Variants in FAM163B observed in about 807,000 individuals in gnomAD.
FAM163B encodes family with sequence similarity 163 member B, also known as protein FAM163B.
Under a neutral mutation model 7.6 loss-of-function variants are expected in FAM163B, and 4 were observed. That is an observed-to-expected ratio of 0.52 (90% CI 0.26 to 1.20). FAM163B has a LOEUF of 1.20. Among genes scored for constraint, FAM163B ranks in the 50% most tolerant of loss-of-function variants. The probability of loss-of-function intolerance (pLI) is 0.14; values close to 1 mark genes in which losing one functional copy is unlikely to be tolerated. For synonymous variants in FAM163B, 120 were observed against 111.6 expected (o/e 1.07, Z -0.47); for missense variants, 250 against 243.0 (o/e 1.03, Z -0.19).
At chr9:133,593,056 C>T (rs1246278417) in intron 1 of FAM163B, among the ~76,000 whole-genome samples, 1 of 152,182 alleles carries the variant, frequency 6.6e-6, no homozygotes, top group African/African-American at 2.4e-5. Flanking sequence ...GTGCCGTGTG[C>T]GCCTGTGCGG....
Position 133,578,170 on chromosome 9 carries a change from T to G in FAM163B, c.*852A>C, listed in dbSNP as rs1831281596. Among the ~76,000 whole-genome samples, 2 of 67,984 alleles carry G rather than the reference T, an allele frequency of 2.9e-5. No individual in the cohort carries two copies. Among genetic ancestry groups the G allele is most frequent in the Non-Finnish European group, 6.7e-5 (2 of 29,896 alleles). The allele number at this position is 67,984 out of a possible 152,430, so 44.6% of individuals were successfully genotyped here. A position where few individuals can be genotyped will look rare whatever the true frequency, so the allele number is the denominator to read the frequency against. On this transcript the variant is annotated 3_prime_UTR_variant, in exon 3 of 3. Coordinates refer to ENST00000673969, the MANE Select transcript of FAM163B (RefSeq NM_001080515.3). ...TCGGGGGTTTTCAACCCCTGGGCCATGGCTCTGCCCCTGACGAGCCCCGGG... is the reference window on the plus strand; with the variant it reads ...TCGGGGGTTTTCAACCCCTGGGCCAGGGCTCTGCCCCTGACGAGCCCCGGG...
At position 133,579,113 on chromosome 9, in the gene FAM163B, C is replaced by T. The variant is rs571577864; in HGVS notation, c.410G>A (p.Gly137Asp). Residue 137 changes from glycine to aspartate, a missense_variant, in exon 3 of 3, where the codon GGC (glycine) becomes GAC (aspartate). Gly to Asp is a moderately conservative substitution (Grantham distance 94, BLOSUM62 -1). Coordinates refer to ENST00000673969, the MANE Select transcript of FAM163B (RefSeq NM_001080515.3). ...GTTGAGCGCCTGCAGGCCCCCGAAG[C>T]CCCCCGGGGGCAGCTCCACGTCCTC... ...SQEDVELPPG[G>D]FGGLQALNPN... 4 of 1,606,054 alleles carry T rather than the reference C, an allele frequency of 2.5e-6. No homozygotes were observed. The highest frequency in any genetic ancestry group is 3.4e-6 in the Non-Finnish European group (4 of 1,178,880).
At position 133,584,234 on chromosome 9, in the gene FAM163B, C is replaced by T. The variant is rs957547646; in HGVS notation, c.-23-3988G>A. Among the ~76,000 whole-genome samples, 9 of 152,190 alleles carry T rather than the reference C, an allele frequency of 5.9e-5. No homozygotes were observed. The East Asian group carries it at 1.5e-3, about 26-fold the overall frequency. ...GACCACCTGCTGCCCTCCCTGAGTG[C>T]TTACCTTCAGCCTCCTCCCTGGGGA... On this transcript the variant is annotated intron_variant, in intron 1 of 2. Transcript: ENST00000673969.
chr9:133,590,428 G>A (rs961908642), intron 1 of FAM163B, among the ~76,000 whole-genome samples: 14 of 152,042 alleles, frequency 9.2e-5, no homozygotes, highest in African/African-American at 3.4e-4. Flanking sequence ...GCTGGGCTGG[G>A]GGCTCCCCGG....
chr9:133,596,875 A>G (rs1831640632), intron 1 of FAM163B, among the ~76,000 whole-genome samples: 1 of 152,240 alleles, frequency 6.6e-6, no homozygotes, highest in Non-Finnish European at 1.5e-5. Flanking sequence ...AAGCTCTCAC[A>G]GGTCCAGAAA....
At chr9:133,588,589 A>G (rs2131232698) in intron 1 of FAM163B, among the ~76,000 whole-genome samples, 1 of 152,358 alleles carries the variant, frequency 6.6e-6, no homozygotes, top group Non-Finnish European at 1.5e-5. Flanking sequence ...TGAGGGATCT[A>G]GCATGTTGAG....
At chr9:133,584,123 A>G (rs1831397559) in intron 1 of FAM163B, among the ~76,000 whole-genome samples, 1 of 151,936 alleles carries the variant, frequency 6.6e-6, no homozygotes, top group East Asian at 1.9e-4. Flanking sequence ...CTGAACTTTA[A>G]TACACACCAC....
chr9:133,606,744 G>A lies in FAM163B; in HGVS notation c.-24+2333C>T, dbSNP rs780153144. ...GGAGTGGAGGACAGAACAAGGGCTC[G>A]GCTGCTGCTCTGCCTCCCCTCCTGC... On this transcript the variant is annotated intron_variant, in intron 1 of 2. Coordinates refer to ENST00000673969, the MANE Select transcript of FAM163B (RefSeq NM_001080515.3). This position sits in a 1 kb window ranked among gnomAD's most constrained non-coding sequence, Gnocchi z 4.0. Among the ~76,000 whole-genome samples, 1 of 152,168 alleles carries A rather than the reference G, an allele frequency of 6.6e-6. No individual in the cohort carries two copies. Among genetic ancestry groups the A allele is most frequent in the African/African-American group, 2.4e-5 (1 of 41,420 alleles).
Position 133,604,318 on chromosome 9 carries a change from C to T in FAM163B, c.-24+4759G>A, listed in dbSNP as rs113465742. 4.0e-4 allele frequency among the ~76,000 whole-genome samples: 61 copies of T among 152,024 alleles called. No individual in the cohort carries two copies. In the South Asian group the frequency reaches 5.4e-3, roughly 13 times the overall value. ...GTAAATCAATGACAGACTAGGGTGT[C>T]GACATGCAGACACAACCAAGACCTG... On this transcript the variant is annotated intron_variant, in intron 1 of 2. Transcript: ENST00000673969.
At position 133,591,210 on chromosome 9, in the gene FAM163B, G is replaced by A. The variant is rs746165721; in HGVS notation, c.-23-10964C>T. Reference sequence around the variant, plus strand: ...CAGGGCAGCCTCTTCCGCAGTGGCAGGCACCTGCTATGCCCTGGCACTGGG... The same window carrying A: ...CAGGGCAGCCTCTTCCGCAGTGGCAAGCACCTGCTATGCCCTGGCACTGGG... On this transcript the variant is annotated intron_variant, in intron 1 of 2. Transcript: ENST00000673969. 7.9e-5 allele frequency among the ~76,000 whole-genome samples: 12 copies of A among 152,214 alleles called. 1 individual carries two copies. In the South Asian group the frequency reaches 1.2e-3, roughly 16 times the overall value.
chr9:133,596,341 C>T (rs1352119232), intron 1 of FAM163B, among the ~76,000 whole-genome samples: 2 of 149,386 alleles, frequency 1.3e-5, no homozygotes, highest in East Asian at 2.0e-4. Flanking sequence ...TAAGTTTCTT[C>T]GTTCCTCCAT....
intron 1 of FAM163B, among the ~76,000 whole-genome samples, chr9:133,594,036 T>C (rs1279636877): frequency 6.6e-6 from 1 of 152,224 alleles, no homozygotes; most frequent in African/African-American, 2.4e-5. Context: ...CGGGGACATT[T>C]CTGTGACTGT....
chr9:133,583,459 C>A (rs1480754125), intron 1 of FAM163B, among the ~76,000 whole-genome samples: 1 of 152,202 alleles, frequency 6.6e-6, no homozygotes, highest in East Asian at 1.9e-4. Flanking sequence ...CCTTCAGTGC[C>A]TCCATTCCTC....
At chr9:133,580,097 C>A in intron 2 of FAM163B, 34 bp downstream of exon 2, 1 of 1,589,516 alleles carries the variant, frequency 6.3e-7, no homozygotes, top group African/African-American at 1.3e-5. Context: ...CTGGGCCTCC[C>A]TGCCCTGTCC....
chr9:133,579,232 G>A lies in FAM163B; in HGVS notation c.291C>T (p.Cys97=), dbSNP rs1321039462. 2.5e-6 allele frequency: 4 copies of A among 1,611,832 alleles called. No homozygotes were observed. Among genetic ancestry groups the A allele is most frequent in the Non-Finnish European group, 3.4e-6 (4 of 1,179,758 alleles). ...ARALCRSCSH[C]EPPTFFLQEP... is the part of the protein sequence containing the mutation. ...CCTGCAGGAAGAAGGTGGGGGGCTCGCAGTGGGAGCAGCTGCGGCAGAGGG... is the reference window on the plus strand; with the variant it reads ...CCTGCAGGAAGAAGGTGGGGGGCTCACAGTGGGAGCAGCTGCGGCAGAGGG... Residue 97 remains cysteine, a synonymous_variant, in exon 3 of 3, where the codon TGC becomes TGT. Transcript: ENST00000673969.
At position 133,599,781 on chromosome 9, in the gene FAM163B, CGT is replaced by C. The variant is rs535673709; in HGVS notation, c.-24+9294_-24+9295del. ...ATGTACAAGTGTGTTTTTGTCTGTG[CGT>C]GTGTGTGCATGTGATCTGTGTGCAT... On this transcript the variant is annotated intron_variant, in intron 1 of 2. Coordinates refer to ENST00000673969, the MANE Select transcript of FAM163B (RefSeq NM_001080515.3). 2.9e-3 allele frequency among the ~76,000 whole-genome samples: 406 copies of C among 142,442 alleles called. 2 individuals carry two copies. The highest frequency in any genetic ancestry group is 9.7e-3 in the South Asian group (42 of 4,348). 93.4% of individuals were successfully genotyped at this position (142,442 alleles called of 152,430 possible).
intron 1 of FAM163B, among the ~76,000 whole-genome samples, chr9:133,589,072 A>T (rs1254313886): frequency 6.6e-6 from 1 of 152,214 alleles, no homozygotes; most frequent in Non-Finnish European, 1.5e-5. Flanking sequence ...TTCAACAAGT[A>T]GAATGCTCAG....
At position 133,606,149 on chromosome 9, in the gene FAM163B, C is replaced by T. The variant is rs1831787218; in HGVS notation, c.-24+2928G>A. On this transcript the variant is annotated intron_variant, in intron 1 of 2. Coordinates refer to ENST00000673969, the MANE Select transcript of FAM163B (RefSeq NM_001080515.3). The surrounding 1 kb of genome is among the most constrained non-coding windows in gnomAD (Gnocchi z 4.0). ...AGGAGGAGGCACAGTCTCCATTTTC[C>T]AGCCCAAGACCTTCAGGCCCAGGGT... 6.6e-6 allele frequency among the ~76,000 whole-genome samples: 1 copy of T among 152,172 alleles called. No homozygotes were observed. The highest frequency in any genetic ancestry group is 1.5e-5 in the Non-Finnish European group (1 of 68,018).
chr9:133,595,271 A>C (rs1831613730), intron 1 of FAM163B, among the ~76,000 whole-genome samples: 1 of 152,154 alleles, frequency 6.6e-6, no homozygotes, highest in Non-Finnish European at 1.5e-5. Context: ...TCAACCTGCC[A>C]AGTAGCTGGG....
Sources: gnomAD v4.1 joint callset for allele counts (sites outside exome capture counted in the v4.1 genomes callset) on GRCh38, gnomAD v4.1.1 for gene constraint, Gnocchi (gnomAD v3.1) non-coding constraint, MANE v1.5 for transcripts, NCBI Gene and HGNC (gene_info 2026-07-23, HGNC 2026-07-21) for gene names.